The following USP36 variants were observed in gnomAD, a reference collection of about 807,000 sequenced individuals.
USP36 encodes the protein ubiquitin carboxyl-terminal hydrolase 36.
USP36 carries 59 observed loss-of-function variants against 111.5 expected under a neutral mutation model. The ratio of observed to expected loss-of-function variants is 0.53; its 90% CI spans 0.43 to 0.66. USP36 has a LOEUF of 0.66. USP36 is among the 30% of genes least tolerant of loss of function. The pLI is 0.00. For missense variants in USP36, 1,488 were observed against 1,468.0 expected (o/e 1.01, Z -0.22); for synonymous variants, 628 against 581.0 (o/e 1.08, Z -1.16).
chr17:78,813,622 T>C (rs1185967857), intron 12 of USP36, 151 bp downstream of exon 12: 1 of 659,566 alleles, frequency 1.5e-6, no homozygotes, highest in Non-Finnish European at 2.6e-6. Flanking sequence ...CTAAAAAGTG[T>C]CCTTCCCTGT....
chr17:78,828,937 G>C lies in USP36; in HGVS notation c.546C>G (p.Gly182=). The part of the protein sequence containing the change: ...NHIVQAFANS[G]NAIKPVSFIR... Reference sequence around the variant, plus strand: ...TGAAGGAGACGGGCTTGATGGCGTTGCCGCTGTTGGCGAAGGCCTGGACAA... The same window carrying C: ...TGAAGGAGACGGGCTTGATGGCGTTCCCGCTGTTGGCGAAGGCCTGGACAA... The change falls in exon 5 of 21, where the codon GGC becomes GGG. Residue 182 remains glycine (G), a synonymous_variant. Coordinates refer to ENST00000449938, the MANE Select transcript of USP36 (RefSeq NM_001385174.1). 6.2e-7 allele frequency: 1 copy of C among 1,614,206 alleles called. No individual in the cohort carries two copies. Among genetic ancestry groups the C allele is most frequent in the South Asian group, 1.1e-5 (1 of 91,080 alleles).
At chr17:78,823,132 C>T (rs1231876863) in intron 6 of USP36, 8 of 398,656 alleles carry the variant, frequency 2.0e-5, no homozygotes, top group African/African-American at 8.2e-5. Context: ...TCCCAGACTC[C>T]GGGAGCTCTG....
chr17:78,809,240 C>G (rs1226614657), intron 13 of USP36, among the ~76,000 whole-genome samples: 1 of 152,210 alleles, frequency 6.6e-6, no homozygotes, highest in Non-Finnish European at 1.5e-5. Flanking sequence ...AATTCTTCTA[C>G]ATTTTATCCT....
At chr17:78,788,767 C>T (rs368490008) in intron 3 of USP36, among the ~76,000 whole-genome samples, 2 of 152,120 alleles carry the variant, frequency 1.3e-5, no homozygotes, top group Admixed American at 1.3e-4. Flanking sequence ...CTACGGCCTC[C>T]CCTCCACCAA....
chr17:78,819,074 C>T (rs1363794409), intron 9 of USP36: 1 of 239,108 alleles, frequency 4.2e-6, no homozygotes, highest in Non-Finnish European at 8.3e-6. Flanking sequence ...TGGGCCAACA[C>T]AGGAAAGAGC....
At chr17:78,806,906 A>G in intron 14 of USP36, 53 bp downstream of exon 14, 1 of 1,584,048 alleles carries the variant, frequency 6.3e-7, no homozygotes, top group East Asian at 2.2e-5. Context: ...ACAACCAAGC[A>G]ACTCTTGGAG....
At chr17:78,834,997 G>GTATATATATATATATATACATA (rs2068520478) in intron 4 of USP36, among the ~76,000 whole-genome samples, 1 of 141,392 alleles carries the variant, frequency 7.1e-6, no homozygotes, top group African/African-American at 2.8e-5. Context: ...AATAATATTT[G>GTATATATATATATATATACATA]TATATATATA....
intron 5 of USP36, among the ~76,000 whole-genome samples, chr17:78,827,633 T>C (rs1330872129): frequency 6.6e-6 from 1 of 152,062 alleles, no homozygotes; most frequent in African/African-American, 2.4e-5. Flanking sequence ...CTGGGTGAGG[T>C]GGCTCACACC....
In USP36 at chr17:78,813,623, C is replaced by T. The variant is rs191176631; in HGVS notation, c.1265+150G>A. ...AGGCTCTGGCTTTACTAAAAAGTGT[C>T]CTTCCCTGTGGACGGTCTCTATGAC... is the stretch of plus-strand genomic sequence containing the variant. On this transcript the variant is annotated intron_variant, in intron 12 of 20. Transcript: ENST00000449938. The T allele has an allele frequency of 8.9e-5, 59 of 664,666 alleles. No individual in the cohort carries two copies. In the East Asian group the frequency reaches 1.6e-3, roughly 18 times the overall value. 41.2% of individuals were successfully genotyped at this position (664,666 alleles called of 1,614,324 possible).
intron 4 of USP36, among the ~76,000 whole-genome samples, chr17:78,835,018 T>TATA (rs1567972747): frequency 2.0e-5 from 3 of 149,126 alleles, no homozygotes; most frequent in South Asian, 2.1e-4. Context: ...TATATATATA[T>TATA]TTTGGAAGTA....
Position 78,798,321 on chromosome 17 carries a change from A to G in USP36, c.*20+79T>C. The G allele has an allele frequency of 6.4e-7, 1 of 1,551,818 alleles. No homozygotes were observed. Among genetic ancestry groups the G allele is most frequent in the Non-Finnish European group, 8.7e-7 (1 of 1,147,390 alleles). On this transcript the variant is annotated intron_variant, in intron 20 of 20. Transcript: ENST00000449938. The surrounding 1 kb of genome is among the most constrained non-coding windows in gnomAD (Gnocchi z 5.1). Reference sequence around the variant, plus strand: ...CCCACATACATCATACACACACGCCACACCCCACCACACCCCTACACACAT... The same window carrying G: ...CCCACATACATCATACACACACGCCGCACCCCACCACACCCCTACACACAT...
At position 78,835,261 on chromosome 17, in the gene USP36, G is replaced by A; in HGVS notation, c.475+19C>T. 6.2e-7 allele frequency: 1 copy of A among 1,611,890 alleles called. No homozygotes were observed. Among genetic ancestry groups the A allele is most frequent in the South Asian group, 1.1e-5 (1 of 90,638 alleles). ...CCAGAGGACCCACAGCCACCCCACT[G>A]CTGCAAACCCACACTCACAGCTGCG... On this transcript the variant is annotated intron_variant, in intron 4 of 20. Transcript: ENST00000449938.
chr17:78,810,687 T>G (rs1234377643), intron 13 of USP36, among the ~76,000 whole-genome samples: 1 of 152,234 alleles, frequency 6.6e-6, no homozygotes, highest in Non-Finnish European at 1.5e-5. Context: ...TTTCAGCTTC[T>G]ATTTTCTTTA....
Position 78,812,769 on chromosome 17 carries a change from T to G in USP36, c.1407+91A>C, listed in dbSNP as rs1351256315. The stretch of plus-strand genomic sequence containing the variant: ...AGAATAGTGCAAACTGCCTGCAAAT[T>G]CCTTCCACTGTGGCCAACTTCCCAA... On this transcript the variant is annotated intron_variant, in intron 13 of 20. Coordinates refer to ENST00000449938, the MANE Select transcript of USP36 (RefSeq NM_001385174.1). 1.7e-5 allele frequency: 25 copies of G among 1,430,936 alleles called. No individual in the cohort carries two copies. The Admixed American group carries it at 4.8e-4, about 27-fold the overall frequency. The allele number at this position is 1,430,936 out of a possible 1,614,324, so 88.6% of individuals were successfully genotyped here.
intron 15 of USP36, 131 bp from the exon 16 acceptor site, chr17:78,804,109 T>C (rs1243039465): frequency 6.5e-6 from 4 of 612,090 alleles, no homozygotes; most frequent in Non-Finnish European, 1.1e-5. Context: ...AGTTTTCAGA[T>C]ACACATTAAG....
intron 2 of USP36, among the ~76,000 whole-genome samples, chr17:78,838,275 A>G (rs559364522): frequency 6.6e-6 from 1 of 150,620 alleles, no homozygotes; most frequent in South Asian, 2.1e-4. Flanking sequence ...CAGGAGGCTG[A>G]GGCAGAGAAT....
At chr17:78,837,281 C>T (rs1009200170) in intron 2 of USP36, among the ~76,000 whole-genome samples, 9 of 151,904 alleles carry the variant, frequency 5.9e-5, no homozygotes, top group Admixed American at 2.0e-4. Context: ...AGACTAGTAT[C>T]CATTAGACAC....
At position 78,812,797 on chromosome 17, in the gene USP36, G is replaced by A. The variant is rs530389047; in HGVS notation, c.1407+63C>T. On this transcript the variant is annotated intron_variant, in intron 13 of 20. Coordinates refer to ENST00000449938, the MANE Select transcript of USP36 (RefSeq NM_001385174.1). ...TTCCACTGTGGCCAACTTCCCAAGT[G>A]TGAGGAGGTCTGTGAGGAGCACCAA... 8.2e-6 allele frequency: 13 copies of A among 1,586,612 alleles called. No individual in the cohort carries two copies. In the East Asian group the frequency reaches 2.3e-4, roughly 28 times the overall value.
exon 4 of USP36, chr17:78,787,439 G>T (rs1026056337): frequency 3.0e-4 from 46 of 152,202 alleles, no homozygotes; most frequent in Admixed American, 2.1e-3. Flanking sequence ...CAAGCTATAA[G>T]TGAAAAAAGC....
Sources: allele counts gnomAD v4.1 joint callset (sites outside exome capture counted in the v4.1 genomes callset), GRCh38; gene constraint gnomAD v4.1.1; non-coding constraint Gnocchi (gnomAD v3.1); transcripts MANE v1.5; gene names NCBI Gene and HGNC (gene_info 2026-07-23, HGNC 2026-07-21).